GFRA1: variants seen among roughly 807,000 people sequenced by gnomAD.
GFRA1 encodes GDNF family receptor alpha-1.
Under a neutral mutation model 51.6 loss-of-function variants are expected in GFRA1, and 16 were observed. The observed-to-expected ratio is 0.31, with a 90% CI of 0.21 to 0.47. GFRA1 has a LOEUF of 0.47. Among genes scored for constraint, GFRA1 ranks in the 20% least tolerant of loss-of-function variants. The pLI, the probability that GFRA1 is intolerant of heterozygous loss-of-function variation, is 1.00. For synonymous variants in GFRA1, 270 were observed against 241.3 expected (o/e 1.12, Z -1.10); for missense variants, 530 against 594.3 (o/e 0.89, Z 1.13).
intron 5 of GFRA1, among the ~76,000 whole-genome samples, chr10:116,203,820 G>A (rs1964522992): frequency 6.6e-6 from 1 of 152,210 alleles, no homozygotes; most frequent in South Asian, 2.1e-4. Context: ...CTCAACAGCT[G>A]GAGTATTGTA....
At chr10:116,236,985 C>T (rs1028907816) in intron 4 of GFRA1, among the ~76,000 whole-genome samples, 1 of 152,184 alleles carries the variant, frequency 6.6e-6, no homozygotes, top group African/African-American at 2.4e-5. Flanking sequence ...TGAATAGTCA[C>T]AACAAACTTG....
At chr10:116,132,557 CT>C (rs766902235) in intron 5 of GFRA1, among the ~76,000 whole-genome samples, 1 of 152,122 alleles carries the variant, frequency 6.6e-6, no homozygotes, top group Non-Finnish European at 1.5e-5. Flanking sequence ...TGGGAAATCA[CT>C]CTTGGCCCCT....
Position 116,076,517 on chromosome 10 carries a change from T to C in GFRA1, c.1198-10891A>G, listed in dbSNP as rs546885012. Among the ~76,000 whole-genome samples the C allele has an allele frequency of 1.3e-5, 2 of 152,222 alleles. 1 individual carries two copies. Among genetic ancestry groups the C allele is most frequent in the Admixed American group, 1.3e-4 (2 of 15,306 alleles). The stretch of plus-strand genomic sequence containing the variant: ...CTGCAGGTGACCTCTTCCCAAAGTA[T>C]TTACCGGGTGGAGGGTTCAAAATCA... On this transcript the variant is annotated intron_variant, in intron 9 of 10. Coordinates refer to ENST00000355422, the MANE Select transcript of GFRA1 (RefSeq NM_005264.8).
chr10:116,236,935 G>T (rs1966911941), intron 4 of GFRA1, among the ~76,000 whole-genome samples: 1 of 152,190 alleles, frequency 6.6e-6, no homozygotes, highest in Admixed American at 6.5e-5. Context: ...TTATTTTTGA[G>T]CCAGGCCTTC....
At chr10:116,125,069 A>G (rs1340949713) in intron 6 of GFRA1, 152 bp downstream of exon 6, 1 of 707,242 alleles carries the variant, frequency 1.4e-6, no homozygotes, top group Non-Finnish European at 2.5e-6. Flanking sequence ...GCAGACACAG[A>G]GGTCAGATTT....
chr10:116,246,319 T>G (rs1254837585), intron 4 of GFRA1, among the ~76,000 whole-genome samples: 1 of 152,074 alleles, frequency 6.6e-6, no homozygotes, highest in African/African-American at 2.4e-5. Flanking sequence ...TAATCCCAGG[T>G]ACTCAGGAGA....
intron 5 of GFRA1, 109 bp downstream of exon 5, chr10:116,211,522 A>G (rs1014172313): frequency 3.0e-6 from 3 of 1,009,764 alleles, no homozygotes; most frequent in African/African-American, 3.2e-5. Context: ...GGCCTAAATG[A>G]CATGTCCATA....
At position 116,116,198 on chromosome 10, in the gene GFRA1, G is replaced by A. The variant is rs559205262; in HGVS notation, c.770+9023C>T. On this transcript the variant is annotated intron_variant, in intron 6 of 10. Transcript: ENST00000355422. ...CAGCCTCCACCTCCCAGGTTCAAGC[G>A]ATTCTCCTACCTCAGCCTCTGGAGT... Among the ~76,000 whole-genome samples, 4 of 152,266 alleles carry A rather than the reference G, an allele frequency of 2.6e-5. No homozygotes were observed. The South Asian group carries it at 8.3e-4, about 32-fold the overall frequency.
intron 9 of GFRA1, 83 bp downstream of exon 9, chr10:116,089,658 A>T: frequency 1.8e-6 from 2 of 1,138,076 alleles, no homozygotes; most frequent in Admixed American, 1.7e-5. Flanking sequence ...CTCTCTGCAT[A>T]CATTTCAGAA....
chr10:116,258,337 A>G (rs901278355), intron 4 of GFRA1, among the ~76,000 whole-genome samples: 4 of 148,344 alleles, frequency 2.7e-5, no homozygotes, highest in Non-Finnish European at 5.9e-5. Flanking sequence ...TAAAATAAGT[A>G]TAAATGTAAC....
At chr10:116,211,751 C>G in intron 4 of GFRA1, 106 bp from the exon 5 acceptor site, 5 of 901,770 alleles carry the variant, frequency 5.5e-6, no homozygotes, top group Non-Finnish European at 8.8e-6. Flanking sequence ...CATATGCTGA[C>G]TTTGCTAAGC....
chr10:116,211,736 G>T (rs979642746), intron 4 of GFRA1, 91 bp from the exon 5 acceptor site: 10 of 1,042,262 alleles, frequency 9.6e-6, no homozygotes, highest in Non-Finnish European at 1.4e-5. Context: ...ACAGTATGAT[G>T]ATGACATATG....
At chr10:116,164,084 C>T (rs970508509) in intron 5 of GFRA1, among the ~76,000 whole-genome samples, 1 of 152,126 alleles carries the variant, frequency 6.6e-6, no homozygotes. Context: ...CAAAGGACGG[C>T]CACTCTTCTC....
intron 4 of GFRA1, among the ~76,000 whole-genome samples, chr10:116,260,249 C>A (rs912324225): frequency 2.0e-5 from 3 of 152,206 alleles, no homozygotes; most frequent in African/African-American, 7.2e-5. Context: ...CTCGCACACA[C>A]AGCTGCCTTT....
chr10:116,075,753 CT>C (rs888455775), intron 9 of GFRA1, among the ~76,000 whole-genome samples: 1 of 151,310 alleles, frequency 6.6e-6, no homozygotes, highest in Non-Finnish European at 1.5e-5. Flanking sequence ...GATCTATTAT[CT>C]TTTTTTTTGA....
intron 6 of GFRA1, among the ~76,000 whole-genome samples, chr10:116,124,220 C>T (rs1001956166): frequency 6.9e-6 from 1 of 144,712 alleles, no homozygotes; most frequent in Non-Finnish European, 1.5e-5. Context: ...TTTTTCTTTT[C>T]TTCTTCTTCT....
At chr10:116,150,398 G>C (rs1715622668) in intron 5 of GFRA1, among the ~76,000 whole-genome samples, 2 of 152,150 alleles carry the variant, frequency 1.3e-5, no homozygotes, top group Admixed American at 1.3e-4. Flanking sequence ...CTTTCCTGCT[G>C]CAGTTCCCGG....
chr10:116,248,401 G>A (rs1968046952), intron 4 of GFRA1, among the ~76,000 whole-genome samples: 1 of 152,184 alleles, frequency 6.6e-6, no homozygotes, highest in Non-Finnish European at 1.5e-5. Context: ...GGGCATGAAG[G>A]GGATGCTCAG....
chr10:116,239,874 A>C (rs896699673), intron 4 of GFRA1, among the ~76,000 whole-genome samples: 6 of 152,162 alleles, frequency 3.9e-5, no homozygotes, highest in South Asian at 2.1e-4. Flanking sequence ...GAGCAAAACT[A>C]TCAAAGCAAT....
Sources: gnomAD v4.1 joint callset for allele counts (sites outside exome capture counted in the v4.1 genomes callset) on GRCh38, gnomAD v4.1.1 for gene constraint, MANE v1.5 for transcripts, NCBI Gene and HGNC (gene_info 2026-07-23, HGNC 2026-07-21) for gene names.